Variants in PRKCB observed in about 807,000 individuals in gnomAD.
PRKCB encodes the protein protein kinase C beta.
Under a neutral mutation model 81.5 loss-of-function variants are expected in PRKCB, and 13 were observed. The observed-to-expected ratio is 0.16, with a 90% CI of 0.10 to 0.25. PRKCB has a LOEUF of 0.25. Ranked by LOEUF, PRKCB falls within the 10% of genes least tolerant of loss-of-function variation. PRKCB has a pLI of 1.00. For missense variants in PRKCB, 509 were observed against 875.7 expected (o/e 0.58, Z 5.29); for synonymous variants, 335 against 321.4 (o/e 1.04, Z -0.45).
intron 16 of PRKCB, among the ~76,000 whole-genome samples, chr16:24,207,779 A>G (rs190622497): frequency 1.3e-5 from 2 of 152,336 alleles, no homozygotes; most frequent in Admixed American, 6.5e-5. Flanking sequence ...AGGAAGTGAC[A>G]CTGCTCTGGA....
chr16:23,959,514 G>A (rs998630834), intron 2 of PRKCB, among the ~76,000 whole-genome samples: 1 of 152,226 alleles, frequency 6.6e-6, no homozygotes, highest in Non-Finnish European at 1.5e-5. Context: ...GTTTCACAAA[G>A]GCAGGGGTGG....
At chr16:23,982,510 T>C (rs757986989) in intron 2 of PRKCB, among the ~76,000 whole-genome samples, 1 of 151,796 alleles carries the variant, frequency 6.6e-6, no homozygotes, top group Non-Finnish European at 1.5e-5. Context: ...AGCCTTGATT[T>C]CCCAGCCTCC....
At chr16:24,082,021 G>C (rs911626298) in intron 5 of PRKCB, among the ~76,000 whole-genome samples, 2 of 152,114 alleles carry the variant, frequency 1.3e-5, no homozygotes, top group Admixed American at 6.6e-5. Flanking sequence ...AGTGAGTTTA[G>C]CTGGGTTGCA....
At chr16:23,855,576 T>C (rs1424555803) in intron 2 of PRKCB, among the ~76,000 whole-genome samples, 1 of 152,254 alleles carries the variant, frequency 6.6e-6, no homozygotes, top group Non-Finnish European at 1.5e-5. Flanking sequence ...ATTTAGTTCT[T>C]CTGCAACTCT....
chr16:24,138,570 A>T (rs1471912541), intron 9 of PRKCB, among the ~76,000 whole-genome samples: 1 of 151,612 alleles, frequency 6.6e-6, no homozygotes, highest in Admixed American at 6.6e-5. Context: ...TTTTTTTGGC[A>T]TTTCTGTTCT....
intron 15 of PRKCB, among the ~76,000 whole-genome samples, chr16:24,189,737 A>G (rs1430218244): frequency 1.3e-5 from 2 of 152,026 alleles, no homozygotes; most frequent in African/African-American, 2.4e-5. Context: ...TGACAAGTAC[A>G]TGCTTGTGTG....
Position 23,928,963 on chromosome 16 carries a change from C to T in PRKCB, c.206-59545C>T, listed in dbSNP as rs190610408. On this transcript the variant is annotated intron_variant, in intron 2 of 16. Transcript: ENST00000643927. ...CGACCTCCTGACCTCGTGATCCGCC[C>T]GCCTCGGCATCCCAAAGTGTTGGGA... Among the ~76,000 whole-genome samples the T allele has an allele frequency of 3.9e-3, 594 of 152,116 alleles. 6 individuals are homozygous for T. Among genetic ancestry groups the T allele is most frequent in the Non-Finnish European group, 6.0e-3 (407 of 67,972 alleles).
intron 5 of PRKCB, among the ~76,000 whole-genome samples, chr16:24,070,765 G>T (rs1966097608): frequency 6.6e-6 from 1 of 152,130 alleles, no homozygotes; most frequent in Non-Finnish European, 1.5e-5. Flanking sequence ...CTCAAACTCA[G>T]GTCTGTTTGA....
chr16:23,921,816 G>A (rs1963829811), intron 2 of PRKCB, among the ~76,000 whole-genome samples: 1 of 152,064 alleles, frequency 6.6e-6, no homozygotes, highest in South Asian at 2.1e-4. Flanking sequence ...AAAAAGATAT[G>A]CTATACCCTC....
chr16:24,167,775 G>A (rs1300854135), intron 10 of PRKCB, among the ~76,000 whole-genome samples: 2 of 152,222 alleles, frequency 1.3e-5, no homozygotes, highest in African/African-American at 4.8e-5. Context: ...GGGGTTGAGA[G>A]TGTAGAGTCT....
chr16:23,967,155 G>A (rs8064095), intron 2 of PRKCB, among the ~76,000 whole-genome samples: 5 of 152,154 alleles, frequency 3.3e-5, no homozygotes, highest in Non-Finnish European at 7.3e-5. Context: ...TTTCAAGGTC[G>A]TTGGTGTGGA....
intron 3 of PRKCB, among the ~76,000 whole-genome samples, chr16:23,993,312 A>G (rs905510009): frequency 5.9e-5 from 9 of 152,182 alleles, no homozygotes; most frequent in African/African-American, 1.7e-4. Flanking sequence ...GAGATTCTGA[A>G]TGTAATGTTC....
At chr16:24,158,519 T>A (rs542660110) in intron 10 of PRKCB, among the ~76,000 whole-genome samples, 4 of 151,590 alleles carry the variant, frequency 2.6e-5, no homozygotes, top group Non-Finnish European at 5.9e-5. Context: ...GAGATCTTTT[T>A]AAAAAAACAT....
chr16:23,929,580 T>C (rs1963943300), intron 2 of PRKCB, among the ~76,000 whole-genome samples: 1 of 152,156 alleles, frequency 6.6e-6, no homozygotes, highest in South Asian at 2.1e-4. Flanking sequence ...AACACACTAA[T>C]ACTTTCTACG....
At chr16:23,866,706 C>T (rs1277043778) in intron 2 of PRKCB, among the ~76,000 whole-genome samples, 1 of 152,148 alleles carries the variant, frequency 6.6e-6, no homozygotes, top group African/African-American at 2.4e-5. Context: ...AGTATAATGG[C>T]TTAGCCCTGG....
intron 2 of PRKCB, among the ~76,000 whole-genome samples, chr16:23,982,097 TTTCCC>T (rs1964735119): frequency 4.1e-5 from 2 of 49,120 alleles, no homozygotes; most frequent in Non-Finnish European, 7.6e-5. Flanking sequence ...TCCCTTTCCT[TTTCCC>T]TTCCCTTCCC....
In PRKCB at chr16:23,882,021, T is replaced by TCTTCCTTCCTTC. The variant is rs1159121217; in HGVS notation, c.205+44640_205+44651dup. The stretch of plus-strand genomic sequence containing the variant: ...TTCTTTCTTTCTTTCTTTCTTTCTT[T>TCTTCCTTCCTTC]CTTCCTTCCTTCCTTCCTTCCTTCC... On this transcript the variant is annotated intron_variant, in intron 2 of 16. Transcript: ENST00000643927. 7.8e-3 allele frequency among the ~76,000 whole-genome samples: 433 copies of TCTTCCTTCCTTC among 55,632 alleles called. 27 individuals carry two copies. Among genetic ancestry groups the TCTTCCTTCCTTC allele is most frequent in the Non-Finnish European group, 0.011 (294 of 27,280 alleles). 36.5% of individuals were successfully genotyped at this position (55,632 alleles called of 152,430 possible). A position where few individuals can be genotyped will look rare whatever the true frequency, so the allele number is the denominator to read the frequency against.
Position 24,143,322 on chromosome 16 carries a change from G to A in PRKCB, c.1066-11362G>A, listed in dbSNP as rs544797773. Among the ~76,000 whole-genome samples, 4 of 152,104 alleles carry A rather than the reference G, an allele frequency of 2.6e-5. No homozygotes were observed. The South Asian group carries it at 6.2e-4, about 24-fold the overall frequency. On this transcript the variant is annotated intron_variant, in intron 9 of 16. Coordinates refer to ENST00000643927, the MANE Select transcript of PRKCB (RefSeq NM_002738.7). The stretch of plus-strand genomic sequence containing the variant: ...TAATTTTTGTACTTTTAGTAGAGAC[G>A]GGGTTTCACCATGTTGGCCAGGCTG...
At position 24,214,708 on chromosome 16, in the gene PRKCB, A is replaced by G; in HGVS notation, c.1914A>G (p.Pro638=). The G allele has an allele frequency of 6.2e-7, 1 of 1,614,186 alleles. No individual in the cohort carries two copies. Reference sequence around the variant, plus strand: ...ACCGATTTTTCACCCGCCATCCACCAGTCCTAACACCTCCCGACCAGGAAG... The same window carrying G: ...ACCGATTTTTCACCCGCCATCCACCGGTCCTAACACCTCCCGACCAGGAAG... ...NFDRFFTRHP[P]VLTPPDQEVI... Residue 638 remains proline, a synonymous_variant, in exon 17 of 17, where the codon CCA becomes CCG. Coordinates refer to ENST00000643927, the MANE Select transcript of PRKCB (RefSeq NM_002738.7).
Sources: gnomAD v4.1 joint callset for allele counts (sites outside exome capture counted in the v4.1 genomes callset) on GRCh38, gnomAD v4.1.1 for gene constraint, MANE v1.5 for transcripts, NCBI Gene and HGNC (gene_info 2026-07-23, HGNC 2026-07-21) for gene names.